Variants in MYCBP2 observed in about 807,000 individuals in gnomAD.
MYCBP2 encodes the protein E3 ubiquitin-protein ligase MYCBP2.
A neutral mutation model predicts 525.3 loss-of-function variants in MYCBP2; 120 were observed. The ratio of observed to expected loss-of-function variants is 0.23; its 90% CI spans 0.20 to 0.27. The LOEUF is 0.27. MYCBP2 is among the 10% of genes least tolerant of loss of function. The probability of loss-of-function intolerance (pLI) is 1.00; values close to 1 mark genes in which losing one functional copy is unlikely to be tolerated. For missense variants in MYCBP2, 4,149 were observed against 5,657.1 expected (o/e 0.73, Z 8.55); for synonymous variants, 1,894 against 1,955.8 (o/e 0.97, Z 0.83).
At chr13:77,088,781 C>T in intron 61 of MYCBP2, 51 bp downstream of exon 61, 3 of 1,477,856 alleles carry the variant, frequency 2.0e-6, no homozygotes, top group Non-Finnish European at 2.8e-6. Flanking sequence ...ATAGAATCAT[C>T]ACATGATTTG....
At chr13:77,251,389 G>A in intron 14 of MYCBP2, 34 bp from the exon 15 acceptor site, 1 of 1,568,386 alleles carries the variant, frequency 6.4e-7, no homozygotes, top group African/African-American at 1.4e-5. Flanking sequence ...TTTTTATACA[G>A]GTTACTTTCA....
intron 2 of MYCBP2, among the ~76,000 whole-genome samples, chr13:77,294,132 A>ATATATATATATATATATATATACG (rs2077899422): frequency 6.9e-5 from 1 of 14,454 alleles, no homozygotes. Context: ...ATATATATAC[A>ATATATATATATATATATATATACG]TATATATATA....
intron 40 of MYCBP2, among the ~76,000 whole-genome samples, chr13:77,167,802 G>C (rs1017576008): frequency 1.3e-5 from 2 of 152,184 alleles, no homozygotes; most frequent in African/African-American, 4.8e-5. Flanking sequence ...CTGAATCTGG[G>C]ATGATGGATA....
intron 1 of MYCBP2, among the ~76,000 whole-genome samples, chr13:77,298,292 A>G (rs1206408326): frequency 2.0e-5 from 3 of 152,206 alleles, no homozygotes; most frequent in Admixed American, 2.0e-4. Context: ...GTCTCAGCAT[A>G]AGTGTCACTT....
In MYCBP2 at chr13:77,177,845, C is replaced by G; in HGVS notation, c.5243G>C (p.Cys1748Ser). Residue 1748 changes from cysteine to serine, a missense_variant, in exon 35 of 83, where the codon TGT (cysteine) becomes TCT (serine). Around this residue, in one of 21 missense-constraint regions of MYCBP2, gnomAD observed 54 missense variants for 117.0 expected, o/e 0.46. Coordinates refer to ENST00000544440, the MANE Select transcript of MYCBP2 (RefSeq NM_015057.5). Reference sequence around the variant, plus strand: ...TATTCCAGGTTTGTCTACTGAAAAACAGATTGCATCAGGGGACCCGTTCCC... The same window carrying G: ...TATTCCAGGTTTGTCTACTGAAAAAGAGATTGCATCAGGGGACCCGTTCCC... Reference protein sequence around the residue: ...NTGNGSPDAICFSVDKPGIVV... With the variant: ...NTGNGSPDAISFSVDKPGIVV... The G allele has an allele frequency of 6.2e-7, 1 of 1,613,996 alleles. No homozygotes were observed. Among genetic ancestry groups the G allele is most frequent in the South Asian group, 1.1e-5 (1 of 91,082 alleles).
At chr13:77,316,150 G>T (rs924030437) in intron 1 of MYCBP2, among the ~76,000 whole-genome samples, 5 of 152,042 alleles carry the variant, frequency 3.3e-5, no homozygotes, top group Admixed American at 3.3e-4. Context: ...AAGACAATAT[G>T]ATTATTTACA....
chr13:77,141,770 C>CAAA (rs34124996), intron 49 of MYCBP2, among the ~76,000 whole-genome samples: 1 of 81,704 alleles, frequency 1.2e-5, no homozygotes. Flanking sequence ...GACTCTGTCT[C>CAAA]AAAAAAAAAA....
chr13:77,094,264 G>A (rs2045894451), intron 58 of MYCBP2, among the ~76,000 whole-genome samples: 1 of 152,140 alleles, frequency 6.6e-6, no homozygotes, highest in African/African-American at 2.4e-5. Flanking sequence ...AAAAAATTTG[G>A]TTTTGGTATA....
chr13:77,088,838 A>G lies in MYCBP2; in HGVS notation c.10719T>C (p.Ala3573=). ...TTCATTAATGTCTTCATACCTCCAT[A>G]GCAAAAACTCGACAAGCAGATTTCC... The part of the protein sequence containing the change: ...ALRKSACRVF[A]MEAFNWLLCN... Residue 3573 remains alanine (A), a synonymous_variant, in exon 61 of 83, where the codon GCT becomes GCC. Coordinates refer to ENST00000544440, the MANE Select transcript of MYCBP2 (RefSeq NM_015057.5). 1.9e-6 allele frequency: 3 copies of G among 1,611,720 alleles called. No homozygotes were observed.
intron 20 of MYCBP2, among the ~76,000 whole-genome samples, chr13:77,222,340 A>C (rs1318977438): frequency 6.6e-6 from 1 of 152,208 alleles, no homozygotes; most frequent in Non-Finnish European, 1.5e-5. Flanking sequence ...TTAAATATTT[A>C]TGATTGTGAT....
chr13:77,319,802 C>A (rs1189181564), intron 1 of MYCBP2, among the ~76,000 whole-genome samples: 1 of 152,178 alleles, frequency 6.6e-6, no homozygotes, highest in Non-Finnish European at 1.5e-5. Context: ...AATCGATTCT[C>A]ATTGCCAGCC....
chr13:77,272,169 T>TA (rs1257015813), intron 5 of MYCBP2, among the ~76,000 whole-genome samples: 4 of 152,248 alleles, frequency 2.6e-5, no homozygotes, highest in African/African-American at 9.6e-5. Context: ...CTCTCTATGC[T>TA]ATAGCTATAC....
chr13:77,130,950 A>C (rs1384911730), intron 52 of MYCBP2, among the ~76,000 whole-genome samples: 1 of 152,240 alleles, frequency 6.6e-6, no homozygotes, highest in Admixed American at 6.5e-5. Flanking sequence ...ATGTGCAAAC[A>C]TAAGTGCTTT....
intron 17 of MYCBP2, among the ~76,000 whole-genome samples, chr13:77,233,761 C>T (rs1429902050): frequency 6.6e-6 from 1 of 151,656 alleles, no homozygotes; most frequent in African/African-American, 2.4e-5. Context: ...AAAAATGTTA[C>T]CGAGTTTACT....
chr13:77,182,037 ACT>A lies in MYCBP2; in HGVS notation c.4720-117_4720-116del, dbSNP rs749872511. The A allele has an allele frequency of 6.1e-5, 43 of 705,374 alleles. No individual in the cohort carries two copies. In the South Asian group the frequency reaches 8.1e-4, roughly 13 times the overall value. The allele number at this position is 705,374 out of a possible 1,614,324, so 43.7% of individuals were successfully genotyped here. ...TTAAATTATACCAAAATTTTCTGTC[ACT>A]CTGTCATTTAAATTGTCTTGTTATA... On this transcript the variant is annotated intron_variant, in intron 32 of 82. Transcript: ENST00000544440.
intron 5 of MYCBP2, among the ~76,000 whole-genome samples, chr13:77,271,670 T>C (rs1177815503): frequency 1.3e-5 from 2 of 152,224 alleles, no homozygotes; most frequent in Non-Finnish European, 2.9e-5. Context: ...AAGCTCTCTT[T>C]GCCTGCTGCC....
intron 14 of MYCBP2, 108 bp from the exon 15 acceptor site, chr13:77,251,463 TTA>T: frequency 1.1e-6 from 1 of 885,114 alleles, no homozygotes; most frequent in Non-Finnish European, 1.8e-6. Context: ...ATCCAAGCAA[TTA>T]TACAAAGAAA....
intron 49 of MYCBP2, chr13:77,144,218 G>A: frequency 2.0e-6 from 1 of 504,670 alleles, no homozygotes. Flanking sequence ...AGGAAATGGA[G>A]GGAGAGAGTC....
intron 55 of MYCBP2, chr13:77,100,255 A>G (rs1322882490): frequency 6.6e-6 from 1 of 152,092 alleles, no homozygotes; most frequent in Non-Finnish European, 1.5e-5. Flanking sequence ...GCTTCCGTGC[A>G]TGTGTTAAGT....
Sources: allele counts gnomAD v4.1 joint callset (sites outside exome capture counted in the v4.1 genomes callset), GRCh38; gene constraint gnomAD v4.1.1; regional missense constraint gnomAD v4.1.1; transcripts MANE v1.5; gene names NCBI Gene and HGNC (gene_info 2026-07-23, HGNC 2026-07-21).